NPC1: variants seen among roughly 807,000 people sequenced by gnomAD.
NPC1 encodes NPC intracellular cholesterol transporter 1, also known as Niemann-Pick C1 protein.
Under a neutral mutation model 140.4 loss-of-function variants are expected in NPC1, and 85 were observed. That is an observed-to-expected ratio of 0.61 (90% CI 0.51 to 0.72). NPC1 has a LOEUF of 0.72. Ranked by LOEUF, NPC1 falls within the 30% of genes least tolerant of loss-of-function variation. The probability of loss-of-function intolerance (pLI) is 0.00; values close to 1 mark genes in which losing one functional copy is unlikely to be tolerated. For missense variants in NPC1, 1,504 were observed against 1,623.8 expected, an observed-to-expected ratio of 0.93 and a Z score of 1.27; for synonymous variants, 656 against 624.8, an observed-to-expected ratio of 1.05 and a Z score of -0.74.
At chr18:23,527,504 TC>T (rs2058338298), downstream of NPC1, among the ~76,000 whole-genome samples, 1 of 150,222 alleles carries the variant, frequency 6.7e-6, no homozygotes, top group African/African-American at 2.4e-5. Context: ...GGTCTCAAAC[TC>T]CCAGCGTTAA....
chr18:23,575,780 A>AG (rs1012367167), intron 1 of NPC1, among the ~76,000 whole-genome samples: 1 of 149,276 alleles, frequency 6.7e-6, no homozygotes, highest in Non-Finnish European at 1.5e-5. Context: ...AAAAAAAAAA[A>AG]AAAAAAAAAA....
chr18:23,530,352 TTGCACTGACC>T, downstream of NPC1: 1 of 1,614,012 alleles, frequency 6.2e-7, no homozygotes, highest in Non-Finnish European at 8.5e-7. Flanking sequence ...TTCCTGTTGT[TTGCACTGACC>T]TGGACTTCTC....
At chr18:23,563,143 CG>C (rs1344710029) in intron 4 of NPC1, among the ~76,000 whole-genome samples, 1 of 152,126 alleles carries the variant, frequency 6.6e-6, no homozygotes, top group African/African-American at 2.4e-5. Flanking sequence ...CTTTCATGAC[CG>C]GCTTCTTTCA....
In NPC1 at chr18:23,541,193, T is replaced by A. The variant is rs1420752430; in HGVS notation, c.2389A>T (p.Ile797Phe). Residue 797 changes from isoleucine to phenylalanine, a missense_variant, in exon 16 of 25, where the codon ATC becomes TTC. Coordinates refer to ENST00000269228, the MANE Select transcript of NPC1 (RefSeq NM_000271.5). ...TCAGCACCTCTGACACAGCAAAAGA[T>A]GTCTAGCCGATTTTTCTGAGGGGAC... ...IKRQEKNRLD[I>F]FCCVRGAEDG... 6.2e-7 allele frequency: 1 copy of A among 1,614,140 alleles called. No individual in the cohort carries two copies. The highest frequency in any genetic ancestry group is 8.5e-7 in the Non-Finnish European group (1 of 1,180,048).
Position 23,532,129 on chromosome 18 carries a change from C to T in NPC1, c.*73G>A, listed in dbSNP as rs541630007. The T allele has an allele frequency of 8.5e-5, 137 of 1,613,898 alleles. No homozygotes were observed. The African/African-American group carries it at 1.4e-3, about 16-fold the overall frequency. ...CATCCGGTGTTCAACTTGGCCTTGC[C>T]GATGCAGCACCCGTCCAGTGGTAAA... On this transcript the variant is annotated 3_prime_UTR_variant, in exon 25 of 25. Transcript: ENST00000269228.
Position 23,562,838 on chromosome 18 carries a change from T to TA in NPC1, c.464-1312dup, listed in dbSNP as rs568815951. ...CCCGTCTCTACAAAAAATAAAAAAA[T>TA]AAAAAAAAATTAGCCAGGTGTGGTG... On this transcript the variant is annotated intron_variant, in intron 4 of 24. Coordinates refer to ENST00000269228, the MANE Select transcript of NPC1 (RefSeq NM_000271.5). Among the ~76,000 whole-genome samples the TA allele has an allele frequency of 4.0e-4, 60 of 151,252 alleles. No individual in the cohort carries two copies. In the South Asian group the frequency reaches 5.8e-3, roughly 15 times the overall value.
intron 3 of NPC1, among the ~76,000 whole-genome samples, chr18:23,571,043 G>A (rs1331201712): frequency 6.6e-6 from 1 of 152,138 alleles, no homozygotes; most frequent in African/African-American, 2.4e-5. Context: ...TCCCCACAGT[G>A]CACAGCTCAA....
rs1400399766 is a variant in NPC1, at chr18:23,544,940, A to G, written c.1947+20T>C. 8.3e-7 allele frequency: 1 copy of G among 1,202,308 alleles called. No individual in the cohort carries two copies. Among genetic ancestry groups the G allele is most frequent in the Admixed American group, 2.1e-5 (1 of 47,576 alleles). The allele number at this position is 1,202,308 out of a possible 1,614,324, so 74.5% of individuals were successfully genotyped here. A position where few individuals can be genotyped will look rare whatever the true frequency, so the allele number is the denominator to read the frequency against. ...ACTGCTGTTAACCTCTAGAACATAC[A>G]CCACCCCCCCCCGGCTTACCAGAAG... On this transcript the variant is annotated intron_variant, in intron 12 of 24. Coordinates refer to ENST00000269228, the MANE Select transcript of NPC1 (RefSeq NM_000271.5).
At chr18:23,533,799 G>A in intron 23 of NPC1, 1 of 442,702 alleles carries the variant, frequency 2.3e-6, no homozygotes, top group East Asian at 4.7e-5. Context: ...AGCCACCGTG[G>A]CCAGCCCTTA....
intron 3 of NPC1, among the ~76,000 whole-genome samples, chr18:23,571,443 G>A (rs2059201833): frequency 6.6e-6 from 1 of 152,016 alleles, no homozygotes; most frequent in Admixed American, 6.5e-5. Flanking sequence ...GATGACTTGA[G>A]GTCAGGAGTT....
At chr18:23,581,479 G>A (rs1237020806) in intron 1 of NPC1, among the ~76,000 whole-genome samples, 2 of 151,876 alleles carry the variant, frequency 1.3e-5, no homozygotes, top group Non-Finnish European at 2.9e-5. Context: ...TGTGACCTTG[G>A]GACAAATTTG....
chr18:23,547,931 A>G, intron 11 of NPC1, 75 bp downstream of exon 11: 1 of 887,988 alleles, frequency 1.1e-6, no homozygotes, highest in Non-Finnish European at 1.9e-6. Context: ...TAGAAAATGA[A>G]GTTTAAGTGC....
chr18:23,538,751 G>A (rs1466282831), intron 19 of NPC1, 80 bp from the exon 20 acceptor site: 4 of 1,424,730 alleles, frequency 2.8e-6, no homozygotes, highest in Non-Finnish European at 3.9e-6. Context: ...TACTGACAGT[G>A]AGGGGCATTA....
At chr18:23,543,723 A>G (rs548248012) in intron 13 of NPC1, among the ~76,000 whole-genome samples, 154 bp from the exon 14 acceptor site, 1 of 152,306 alleles carries the variant, frequency 6.6e-6, no homozygotes, top group South Asian at 2.1e-4. Flanking sequence ...GGGGACTCCA[A>G]TGTTCTCAGA....
downstream of NPC1, among the ~76,000 whole-genome samples, chr18:23,521,767 T>G (rs58123042): frequency 0.014 from 2,054 of 152,126 alleles, 34 homozygotes; most frequent in African/African-American, 0.048. Context: ...GATCAAGATG[T>G]CTGCAGGTTT....
intron 1 of NPC1, among the ~76,000 whole-genome samples, chr18:23,575,768 C>CAAAAAAAAAA (rs1238529426): frequency 2.1e-5 from 1 of 48,406 alleles, no homozygotes; most frequent in East Asian, 3.7e-4. Context: ...GCAGAGAAGA[C>CAAAAAAAAAA]CAAAAAAAAA....
chr18:23,533,242 T>C (rs1164177166), intron 24 of NPC1, 113 bp downstream of exon 24: 1 of 1,164,024 alleles, frequency 8.6e-7, no homozygotes, highest in Non-Finnish European at 1.3e-6. Flanking sequence ...CATTTATCAT[T>C]ATCAAATGAC....
intron 1 of NPC1, among the ~76,000 whole-genome samples, chr18:23,584,918 C>T (rs1272933635): frequency 6.6e-6 from 1 of 152,136 alleles, no homozygotes; most frequent in Admixed American, 6.5e-5. Context: ...AGGAGTGGTG[C>T]TCACAATAAT....
chr18:23,580,418 C>T (rs1468107855), intron 1 of NPC1, among the ~76,000 whole-genome samples: 2 of 152,166 alleles, frequency 1.3e-5, no homozygotes, highest in Non-Finnish European at 2.9e-5. Context: ...TACAAGTGTT[C>T]CTTCAATATA....
Sources: gnomAD v4.1 joint callset for allele counts (sites outside exome capture counted in the v4.1 genomes callset) on GRCh38, gnomAD v4.1.1 for gene constraint, MANE v1.5 for transcripts, NCBI Gene and HGNC (gene_info 2026-07-23, HGNC 2026-07-21) for gene names.